The following ATP11C variants were observed in gnomAD, a reference collection of about 807,000 sequenced individuals.
The protein encoded by ATP11C is ATPase phospholipid transporting 11C (ATP11C blood group).
In ATP11C, 36 loss-of-function variants were observed where a neutral mutation model predicts 97.4. That is an observed-to-expected ratio of 0.37 (90% CI 0.28 to 0.49). ATP11C has a LOEUF of 0.49. Among genes scored for constraint, ATP11C ranks in the 20% least tolerant of loss-of-function variants. The probability of loss-of-function intolerance (pLI) is 0.98; values close to 1 mark genes in which losing one functional copy is unlikely to be tolerated. For synonymous variants in ATP11C, 275 were observed against 290.9 expected (o/e 0.95, Z 0.56); for missense variants, 730 against 824.6 (o/e 0.89, Z 1.40).
At chrX:139,852,452 CGGGGGGGGGGGGGGGGGGG>C (rs372368937) in intron 1 of ATP11C, among the ~76,000 whole-genome samples, 223 of 12,252 alleles carry the variant, frequency 0.018, 34 homozygotes, top group East Asian at 0.1. Context: ...CTCAGCAATG[CGGGGGGGGGGGGGGGGGGG>C]GGGGGGGGGG....
intron 6 of ATP11C, among the ~76,000 whole-genome samples, 166 bp downstream of exon 6, chrX:139,804,305 G>A (rs1357475313): frequency 9.0e-6 from 1 of 111,158 alleles, no homozygotes; most frequent in Non-Finnish European, 1.9e-5. Flanking sequence ...AAACACGAGT[G>A]TTTGCTTAGA....
chrX:139,822,487 C>T (rs1248093974), intron 2 of ATP11C, among the ~76,000 whole-genome samples: 1 of 111,394 alleles, frequency 9.0e-6, no homozygotes, highest in African/African-American at 3.3e-5. Context: ...GATCTCAGCT[C>T]ACTGCAACCT....
At chrX:139,743,447 A>G in intron 26 of ATP11C, 112 bp downstream of exon 26, 1 of 476,029 alleles carries the variant, frequency 2.1e-6, no homozygotes, top group Middle Eastern at 6.3e-4. Context: ...AAACACTTGA[A>G]TAACAACCCA....
chrX:139,800,256 G>C, intron 7 of ATP11C, 146 bp from the exon 8 acceptor site: 1 of 443,143 alleles, frequency 2.3e-6, no homozygotes, highest in African/African-American at 2.5e-5. Flanking sequence ...TATATTTCTG[G>C]GGGAAAAAAA....
In ATP11C at chrX:139,730,593, A is replaced by G. The variant is rs139827769; in HGVS notation, c.*3+1058T>C. Among the ~76,000 whole-genome samples, 631 of 111,191 alleles carry G rather than the reference A, an allele frequency of 5.7e-3. 10 individuals carry two copies. The highest frequency in any genetic ancestry group is 0.019 in the African/African-American group (582 of 30,645). On this transcript the variant is annotated intron_variant, in intron 29 of 29. Coordinates refer to ENST00000682941, the MANE Select transcript of ATP11C (RefSeq NM_001353812.2). ...TGTATTCTTTGCTAGAGGGTGGCAGAGTTGACAGCTGTTGAAAAAAATGGG... is the reference window on the plus strand; with the variant it reads ...TGTATTCTTTGCTAGAGGGTGGCAGGGTTGACAGCTGTTGAAAAAAATGGG...
chrX:139,835,148 G>A (rs1418774637), intron 1 of ATP11C, among the ~76,000 whole-genome samples: 1 of 111,969 alleles, frequency 8.9e-6, no homozygotes, highest in Non-Finnish European at 1.9e-5. Context: ...TGAGATCAGT[G>A]TTGTATTTGT....
chrX:139,785,275 G>A lies in ATP11C; in HGVS notation c.1617C>T (p.Asn539=). The change falls in exon 16 of 30, where the codon AAC becomes AAT. Residue 539 remains asparagine, a synonymous_variant. Coordinates refer to ENST00000682941, the MANE Select transcript of ATP11C (RefSeq NM_001353812.2). ...IEEYELLHTL[N]FDAVRRRMSV... ...TCATACGTCGCCGGACAGCATCAAA[G>A]TTTAAGGTGTGAAGAAGTTCATATC... 8.3e-7 allele frequency: 1 copy of A among 1,207,417 alleles called. No individual in the cohort carries two copies. Among genetic ancestry groups the A allele is most frequent in the Non-Finnish European group, 1.1e-6 (1 of 892,330 alleles).
chrX:139,728,028 A>T lies in ATP11C; in HGVS notation c.*938T>A, dbSNP rs1295720804. 1 of 112,531 alleles carries T rather than the reference A, an allele frequency of 8.9e-6. No homozygotes were observed. Among genetic ancestry groups the T allele is most frequent in the African/African-American group, 3.2e-5 (1 of 30,999 alleles). The allele number at this position is 112,531 out of a possible 1,213,427, so 9.3% of individuals were successfully genotyped here. A position where few individuals can be genotyped will look rare whatever the true frequency, so the allele number is the denominator to read the frequency against. On this transcript the variant is annotated 3_prime_UTR_variant, in exon 30 of 30. Transcript: ENST00000682941. ...TTCAAATAAAAACCGTCAAAAGTTT[A>T]AAATAAGCTATATTTCTTCCTCTTC...
rs2082319514 is a variant in ATP11C, at chrX:139,774,829, T to A, written c.2077A>T (p.Thr693Ser). ...STCYACRLFQ[T>S]NTELLELTTK... ...GTTAGTTCTAAGAGCTCAGTGTTGG[T>A]CTGGAAAAGGCGGCAGGCATAGCAT... Residue 693 changes from threonine to serine, a missense_variant, in exon 19 of 30, where the codon ACC becomes TCC. Thr to Ser is a moderately conservative substitution (Grantham distance 58). Transcript: ENST00000682941. 8.3e-7 allele frequency: 1 copy of A among 1,210,270 alleles called. No individual in the cohort carries two copies. The highest frequency in any genetic ancestry group is 1.7e-5 in the African/African-American group (1 of 57,171).
intron 10 of ATP11C, among the ~76,000 whole-genome samples, chrX:139,797,747 A>C (rs1345726872): frequency 9.0e-6 from 1 of 111,559 alleles, no homozygotes. Context: ...AGGTTCTTTC[A>C]GTTTAAAAGT....
At chrX:139,736,764 G>C (rs1230712841) in intron 28 of ATP11C, among the ~76,000 whole-genome samples, 1 of 111,109 alleles carries the variant, frequency 9.0e-6, no homozygotes, top group African/African-American at 3.3e-5. Context: ...GGCAATTCTG[G>C]CCACCTAATT....
intron 10 of ATP11C, 118 bp from the exon 11 acceptor site, chrX:139,797,444 GT>G: frequency 2.1e-6 from 1 of 486,970 alleles, no homozygotes; most frequent in Admixed American, 5.0e-5. Flanking sequence ...ACAAGCCTTT[GT>G]GTATTAACCT....
intron 19 of ATP11C, among the ~76,000 whole-genome samples, chrX:139,768,949 C>T (rs985337226): frequency 6.7e-5 from 7 of 104,211 alleles, no homozygotes; most frequent in Non-Finnish European, 8.1e-5. Context: ...CCTTAGCTCA[C>T]GCCTGAGAGT....
chrX:139,935,957 G>A (rs1157883149), upstream of ATP11C, among the ~76,000 whole-genome samples: 1 of 109,437 alleles, frequency 9.1e-6, no homozygotes, highest in Non-Finnish European at 1.9e-5. Flanking sequence ...GATCGCGCCA[G>A]TACACTCAAG....
intron 1 of ATP11C, among the ~76,000 whole-genome samples, chrX:139,904,803 A>G (rs2084950306): frequency 9.0e-6 from 1 of 111,503 alleles, no homozygotes; most frequent in Non-Finnish European, 1.9e-5. Context: ...GACCGCACAC[A>G]GTAGAAACAG....
intron 1 of ATP11C, among the ~76,000 whole-genome samples, chrX:139,919,062 G>A (rs1303988412): frequency 3.6e-5 from 4 of 111,251 alleles, no homozygotes; most frequent in African/African-American, 9.8e-5. Flanking sequence ...CCAACATGGC[G>A]AAACCCTGTC....
chrX:139,797,648 T>C (rs770566879), intron 10 of ATP11C, among the ~76,000 whole-genome samples: 29 of 111,538 alleles, frequency 2.6e-4, no homozygotes, highest in African/African-American at 8.8e-4. Context: ...TCAACCCTTA[T>C]AGAAAGAGTA....
chrX:139,824,674 G>A (rs771144801), intron 2 of ATP11C, among the ~76,000 whole-genome samples: 6 of 111,143 alleles, frequency 5.4e-5, no homozygotes, highest in Non-Finnish European at 7.5e-5. Flanking sequence ...ACGACAGAGC[G>A]AGACTCTGTC....
upstream of ATP11C, among the ~76,000 whole-genome samples, chrX:139,936,062 C>T (rs1160385842): frequency 9.1e-6 from 1 of 109,781 alleles, no homozygotes; most frequent in Non-Finnish European, 1.9e-5. Flanking sequence ...CTTTGGAAGG[C>T]GAAGGTAGGA....
Sources: allele counts gnomAD v4.1 joint callset (sites outside exome capture counted in the v4.1 genomes callset), GRCh38; gene constraint gnomAD v4.1.1; transcripts MANE v1.5; gene names NCBI Gene and HGNC (gene_info 2026-07-23, HGNC 2026-07-21).